PTPRD: variants seen among roughly 807,000 people sequenced by gnomAD.
PTPRD encodes the protein receptor-type tyrosine-protein phosphatase delta.
Under a neutral mutation model 214.5 loss-of-function variants are expected in PTPRD, and 34 were observed. The observed-to-expected ratio is 0.16, with a 90% confidence interval of 0.12 to 0.21. PTPRD has a LOEUF of 0.21. Ranked by LOEUF, PTPRD falls within the 10% of genes least tolerant of loss-of-function variation. The pLI is 1.00. For missense variants in PTPRD, 2,545 were observed against 2,398.7 expected (o/e 1.06, Z -1.27); for synonymous variants, 1,128 against 845.7 (o/e 1.33, Z -5.79).
intron 3 of PTPRD, among the ~76,000 whole-genome samples, chr9:10,304,515 A>G (rs750134613): frequency 1.3e-5 from 2 of 152,164 alleles, no homozygotes; most frequent in African/African-American, 4.8e-5. Context: ...AGGAAACCCC[A>G]TCGTCTCAGC....
chr9:9,604,063 A>G (rs1284933696), intron 7 of PTPRD, among the ~76,000 whole-genome samples: 1 of 152,076 alleles, frequency 6.6e-6, no homozygotes. Context: ...TTTGATTAAT[A>G]TAATTTTGCT....
intron 12 of PTPRD, among the ~76,000 whole-genome samples, chr9:8,722,406 G>C (rs377634031): frequency 7.9e-5 from 12 of 152,028 alleles, no homozygotes; most frequent in African/African-American, 2.9e-4. Context: ...AAACATTTAA[G>C]TTATGGTTTA....
Position 8,945,485 on chromosome 9 carries a change from T to C in PTPRD, c.-104+73212A>G, listed in dbSNP as rs377343755. Among the ~76,000 whole-genome samples, 20 of 152,162 alleles carry C rather than the reference T, an allele frequency of 1.3e-4. No individual in the cohort carries two copies. The East Asian group carries it at 3.1e-3, about 24-fold the overall frequency. ...CACTTTATTACTTTGCACCTGGCTA[T>C]CTACTGCAATTCATCTTGCTCGCTA... On this transcript the variant is annotated intron_variant, in intron 11 of 45. Coordinates refer to ENST00000381196, the MANE Select transcript of PTPRD (RefSeq NM_002839.4).
chr9:9,067,889 T>C (rs1001100320), intron 10 of PTPRD, among the ~76,000 whole-genome samples: 2 of 152,178 alleles, frequency 1.3e-5, no homozygotes, highest in African/African-American at 4.8e-5. Flanking sequence ...CATGTAGATT[T>C]GTGTATTTAA....
chr9:9,617,811 G>A (rs986137656), intron 7 of PTPRD, among the ~76,000 whole-genome samples: 7 of 151,876 alleles, frequency 4.6e-5, no homozygotes, highest in Non-Finnish European at 1.0e-4. Context: ...GGTGGCTCAT[G>A]TCTGTAATCC....
At chr9:9,285,294 T>C (rs1949008020) in intron 9 of PTPRD, among the ~76,000 whole-genome samples, 1 of 151,828 alleles carries the variant, frequency 6.6e-6, no homozygotes, top group African/African-American at 2.4e-5. Context: ...TTACCATACC[T>C]GCCTCACACA....
At chr9:8,602,623 G>T (rs1383196377) in intron 14 of PTPRD, among the ~76,000 whole-genome samples, 2 of 152,164 alleles carry the variant, frequency 1.3e-5, no homozygotes, top group East Asian at 1.9e-4. Flanking sequence ...ACATCTCTTT[G>T]TAATAGTCTC....
chr9:9,363,437 T>C (rs967579891), intron 9 of PTPRD, among the ~76,000 whole-genome samples: 3 of 151,390 alleles, frequency 2.0e-5, no homozygotes, highest in Non-Finnish European at 3.0e-5. Context: ...CTATTTTACT[T>C]AGAAATTAAC....
At chr9:9,421,986 T>A (rs566997637) in intron 8 of PTPRD, among the ~76,000 whole-genome samples, 2 of 151,516 alleles carry the variant, frequency 1.3e-5, no homozygotes, top group East Asian at 3.9e-4. Flanking sequence ...GACACCAGTA[T>A]TGAAAAAAAA....
chr9:8,473,015 C>T (rs955289794), intron 30 of PTPRD, among the ~76,000 whole-genome samples: 1 of 152,172 alleles, frequency 6.6e-6, no homozygotes, highest in African/African-American at 2.4e-5. Flanking sequence ...TAAACAGATA[C>T]CAGCTGCTAC....
intron 3 of PTPRD, among the ~76,000 whole-genome samples, chr9:10,215,176 T>A (rs935243995): frequency 4.6e-5 from 7 of 151,246 alleles, no homozygotes; most frequent in Non-Finnish European, 1.0e-4. Flanking sequence ...TAAGGTACCA[T>A]AAATAAAAGT....
chr9:9,891,619 G>A (rs1300088041), intron 5 of PTPRD, among the ~76,000 whole-genome samples: 2 of 152,030 alleles, frequency 1.3e-5, no homozygotes, highest in South Asian at 2.1e-4. Context: ...ATCAATTAGA[G>A]TTTGATGGTT....
At position 10,322,007 on chromosome 9, in the gene PTPRD, G is replaced by A. The variant is rs151308037; in HGVS notation, c.-545+18956C>T. ...ATAATGGCAGAAATGGTAGTATGGT[G>A]AAGAGTATGTCCCAGGATTTCAAAA... On this transcript the variant is annotated intron_variant, in intron 3 of 45. Coordinates refer to ENST00000381196, the MANE Select transcript of PTPRD (RefSeq NM_002839.4). 3.9e-5 allele frequency among the ~76,000 whole-genome samples: 6 copies of A among 152,156 alleles called. No individual in the cohort carries two copies. In the East Asian group the frequency reaches 9.7e-4, roughly 25 times the overall value.
At chr9:8,673,854 T>C (rs922536824) in intron 12 of PTPRD, among the ~76,000 whole-genome samples, 7 of 152,256 alleles carry the variant, frequency 4.6e-5, no homozygotes, top group Admixed American at 2.0e-4. Context: ...GCTATTGACA[T>C]TGGGGCTGTC....
rs562179042 is a variant in PTPRD at position 8,948,794 on chromosome 9, G to A, written c.-104+69903C>T. ...GTGAGTGACTCAAGAAACACAAAAG[G>A]ATGGATGAAGCCATAATTCTGGAAT... On this transcript the variant is annotated intron_variant, in intron 11 of 45. Transcript: ENST00000381196. Among the ~76,000 whole-genome samples the A allele has an allele frequency of 2.2e-4, 33 of 150,846 alleles. No individual in the cohort carries two copies. The South Asian group carries it at 5.2e-3, about 24-fold the overall frequency.
At chr9:8,965,507 G>C (rs1008301780) in intron 11 of PTPRD, among the ~76,000 whole-genome samples, 3 of 151,986 alleles carry the variant, frequency 2.0e-5, no homozygotes, top group Admixed American at 2.0e-4. Context: ...TTATGAATCT[G>C]GGAGCTCCAA....
chr9:9,535,011 C>A (rs139005970), intron 8 of PTPRD, among the ~76,000 whole-genome samples: 1 of 151,950 alleles, frequency 6.6e-6, no homozygotes, highest in Non-Finnish European at 1.5e-5. Context: ...ATGTAGACAG[C>A]GAAATGTCCA....
At chr9:8,321,485 G>GTATA (rs1486135985) in intron 44 of PTPRD, among the ~76,000 whole-genome samples, 187 of 45,298 alleles carry the variant, frequency 4.1e-3, no homozygotes, top group Non-Finnish European at 5.6e-3. Context: ...GTGTGTGTGT[G>GTATA]TGTATATATA....
chr9:9,386,599 G>A (rs10114865), intron 9 of PTPRD, among the ~76,000 whole-genome samples: 35,371 of 151,944 alleles, frequency 0.23, 4,201 homozygotes, highest in Middle Eastern at 0.38. Context: ...GAGGAGGTGA[G>A]AGAGTTGTAG....
Sources: allele counts gnomAD v4.1 joint callset (sites outside exome capture counted in the v4.1 genomes callset), GRCh38; gene constraint gnomAD v4.1.1; transcripts MANE v1.5; gene names NCBI Gene and HGNC (gene_info 2026-07-23, HGNC 2026-07-21).